The following TPTE2 variants were observed in gnomAD, a reference collection of about 807,000 sequenced individuals.
TPTE2 encodes transmembrane phosphoinositide 3-phosphatase and tensin homolog 2.
A neutral mutation model predicts 78.6 loss-of-function variants in TPTE2; 53 were observed. The observed-to-expected ratio is 0.67, with a 90% CI of 0.54 to 0.85. TPTE2 has a LOEUF of 0.85. Among genes scored for constraint, TPTE2 ranks in the 40% least tolerant of loss-of-function variants. The pLI is 0.00. For missense variants in TPTE2, 461 were observed against 623.0 expected (o/e 0.74, Z 2.77); for synonymous variants, 175 against 206.2 (o/e 0.85, Z 1.30).
At chr13:19,435,546 G>A (rs1877014610) in intron 15 of TPTE2, among the ~76,000 whole-genome samples, 2 of 152,112 alleles carry the variant, frequency 1.3e-5, no homozygotes, top group Admixed American at 1.3e-4. Flanking sequence ...TGATGCTCTG[G>A]ACTTTTGTAT....
rs750738936 is a variant in TPTE2 at position 19,438,119 on chromosome 13, AATAAGGAGGGCACAAACC to A, written c.990_1007del (p.Met330_Leu335del). On this transcript the variant is annotated inframe_deletion, in exon 14 of 20. Transcript: ENST00000400230. ...CGGCAGTTAAAAATATTTCGGAGGCAATAAGGAGGGCACAAACCATAGTCCCGGTTCTTCCTAGAAAAG... is the reference window on the plus strand; with the variant it reads ...CGGCAGTTAAAAATATTTCGGAGGCAATAGTCCCGGTTCTTCCTAGAAAAG... The A allele has an allele frequency of 4.4e-6, 7 of 1,609,140 alleles. No homozygotes were observed. The African/African-American group carries it at 6.7e-5, about 15-fold the overall frequency.
At chr13:19,524,942 C>G (rs2137728754) in intron 1 of TPTE2, among the ~76,000 whole-genome samples, 1 of 152,168 alleles carries the variant, frequency 6.6e-6, no homozygotes, top group African/African-American at 2.4e-5. Flanking sequence ...GATGCCTGCA[C>G]AGTATATTAA....
chr13:19,435,600 CAG>C (rs1446692941), intron 15 of TPTE2, among the ~76,000 whole-genome samples: 1 of 152,034 alleles, frequency 6.6e-6, no homozygotes, highest in African/African-American at 2.4e-5. Context: ...AAAGAAAAAA[CAG>C]AGTAACAGTG....
intron 15 of TPTE2, among the ~76,000 whole-genome samples, 162 bp downstream of exon 18, chr13:19,436,064 G>A (rs1480139348): frequency 6.6e-6 from 1 of 152,146 alleles, no homozygotes; most frequent in East Asian, 1.9e-4. Context: ...AGCACCTGAA[G>A]TGTGACCCTC....
upstream of TPTE2, chr13:19,503,314 C>T: frequency 6.2e-7 from 1 of 1,609,438 alleles, no homozygotes; most frequent in Non-Finnish European, 8.5e-7. Context: ...AGACAGGAGA[C>T]ACAATTCAAA....
intron 1 of TPTE2, among the ~76,000 whole-genome samples, chr13:19,522,773 C>A (rs1165984398): frequency 6.6e-6 from 1 of 151,702 alleles, no homozygotes; most frequent in Non-Finnish European, 1.5e-5. Flanking sequence ...CAGGCACCCG[C>A]CACCATGTCA....
At chr13:19,465,595 C>A in intron 7 of TPTE2, 31 bp from the exon 11 acceptor site, 1 of 1,537,878 alleles carries the variant, frequency 6.5e-7, no homozygotes, top group Non-Finnish European at 8.8e-7. Context: ...TCCATTTTTG[C>A]TTCAGAAACA....
chr13:19,538,042 T>C (rs536937246), upstream of TPTE2, among the ~76,000 whole-genome samples: 84 of 152,356 alleles, frequency 5.5e-4, no homozygotes, highest in African/African-American at 2.0e-3. Flanking sequence ...CATTTAGTGA[T>C]TATATGTGAA....
At chr13:19,556,608 C>T in the TPTE2 span, among the ~76,000 whole-genome samples, 5 of 152,220 alleles carry the variant, frequency 3.3e-5, no homozygotes, top group South Asian at 4.1e-4. Context: ...CTCACTGCAG[C>T]CTCAAATTCT....
upstream of TPTE2, among the ~76,000 whole-genome samples, chr13:19,538,520 T>A (rs1240529608): frequency 6.7e-6 from 1 of 150,160 alleles, no homozygotes; most frequent in African/African-American, 2.5e-5. Context: ...ACGCCCAGCC[T>A]TTTTTTTTCT....
chr13:19,506,227 A>G (rs913012511), upstream of TPTE2, among the ~76,000 whole-genome samples: 3 of 107,998 alleles, frequency 2.8e-5, no homozygotes, highest in East Asian at 3.2e-4. Context: ...GCTGGAGTGC[A>G]GTGGCGGGAT....
chr13:19,519,613 C>T (rs1870025065), intron 1 of TPTE2, among the ~76,000 whole-genome samples: 1 of 152,140 alleles, frequency 6.6e-6, no homozygotes, highest in African/African-American at 2.4e-5. Context: ...CTTCTGGACT[C>T]TCAACTCTGT....
chr13:19,512,094 G>C (rs778498144), intron 1 of TPTE2, among the ~76,000 whole-genome samples: 81 of 152,106 alleles, frequency 5.3e-4, no homozygotes, highest in Non-Finnish European at 2.1e-4. Flanking sequence ...ATAGAGATAT[G>C]AACCATAAAA....
intron 17 of TPTE2, among the ~76,000 whole-genome samples, chr13:19,427,914 G>T (rs1438162001): frequency 6.6e-6 from 1 of 152,156 alleles, no homozygotes; most frequent in East Asian, 1.9e-4. Flanking sequence ...GCCCCTTCAG[G>T]GAGCTGTACA....
At chr13:19,543,875 C>A in the TPTE2 span, among the ~76,000 whole-genome samples, 1 of 151,296 alleles carries the variant, frequency 6.6e-6, no homozygotes, top group Non-Finnish European at 1.5e-5. Context: ...CCAGACTGGG[C>A]AATATGGCGA....
At chr13:19,481,538 A>G (rs1184120937) in intron 4 of TPTE2, among the ~76,000 whole-genome samples, 1 of 152,200 alleles carries the variant, frequency 6.6e-6, no homozygotes, top group Non-Finnish European at 1.5e-5. Context: ...AATTCCTCCT[A>G]TATCTATGTA....
At chr13:19,495,120 CT>C (rs1437908575) in intron 1 of TPTE2, among the ~76,000 whole-genome samples, 8 of 152,152 alleles carry the variant, frequency 5.3e-5, no homozygotes, top group African/African-American at 1.7e-4. Flanking sequence ...ATCTGAGTTC[CT>C]CATTCTCTAT....
At chr13:19,427,503 T>C (rs985818090) in intron 17 of TPTE2, among the ~76,000 whole-genome samples, 16 of 152,326 alleles carry the variant, frequency 1.1e-4, no homozygotes, top group African/African-American at 3.6e-4. Flanking sequence ...AGGGCCTTTT[T>C]TGAGAATACA....
intron 17 of TPTE2, among the ~76,000 whole-genome samples, chr13:19,427,825 T>C (rs149130389): frequency 3.5e-4 from 53 of 152,344 alleles, no homozygotes; most frequent in African/African-American, 1.1e-3. Flanking sequence ...CTCATTCTCA[T>C]AGAAATAATG....
Sources: allele counts gnomAD v4.1 joint callset (sites outside exome capture counted in the v4.1 genomes callset), GRCh38; gene constraint gnomAD v4.1.1; transcripts MANE v1.5; gene names NCBI Gene and HGNC (gene_info 2026-07-23, HGNC 2026-07-21).